Variants in CACNA1A observed in about 807,000 individuals in gnomAD.
CACNA1A encodes calcium voltage-gated channel subunit alpha1 A, also known as voltage-dependent P/Q-type calcium channel subunit alpha-1A.
In CACNA1A, 57 loss-of-function variants were observed where a neutral mutation model predicts 262.4. That is an observed-to-expected ratio of 0.22 (90% confidence interval 0.18 to 0.27). The LOEUF (loss-of-function observed/expected upper bound fraction) is 0.27, where lower values mean the gene tolerates loss of function less well. CACNA1A is among the 10% of genes least tolerant of loss of function. The pLI is 1.00. For missense variants in CACNA1A, 2,526 were observed against 3,562.8 expected, an observed-to-expected ratio of 0.71 and a Z score of 7.41; for synonymous variants, 1,431 against 1,419.3, an observed-to-expected ratio of 1.01 and a Z score of -0.18.
chr19:13,242,817 A>G (rs2056114848), intron 31 of CACNA1A, among the ~76,000 whole-genome samples: 1 of 152,148 alleles, frequency 6.6e-6, no homozygotes. Context: ...GTTGGTTGCA[A>G]TGGTTAGCCC....
chr19:13,411,435 A>AC (rs2060107275), intron 3 of CACNA1A, among the ~76,000 whole-genome samples: 1 of 152,040 alleles, frequency 6.6e-6, no homozygotes, highest in Admixed American at 6.6e-5. Context: ...GTCTCATGAG[A>AC]TCTGATGGTT....
intron 38 of CACNA1A, among the ~76,000 whole-genome samples, chr19:13,219,963 AAAAG>A (rs1288578398): frequency 6.8e-6 from 1 of 147,138 alleles, no homozygotes; most frequent in Non-Finnish European, 1.5e-5. Context: ...AAAAAAAAAA[AAAAG>A]AAAGAAAATG....
intron 3 of CACNA1A, among the ~76,000 whole-genome samples, chr19:13,432,270 C>A (rs1450577837): frequency 6.6e-6 from 1 of 151,376 alleles, no homozygotes; most frequent in Non-Finnish European, 1.5e-5. Flanking sequence ...CAAAAATTAG[C>A]CGGGCCTGGT....
intron 19 of CACNA1A, among the ~76,000 whole-genome samples, chr19:13,294,128 C>T (rs1274630574): frequency 2.1e-5 from 3 of 145,048 alleles, no homozygotes; most frequent in East Asian, 4.0e-4. Flanking sequence ...TTTTTTTAGA[C>T]ATGAGGTCTT....
chr19:13,227,928 T>TA (rs1324182413), intron 36 of CACNA1A, among the ~76,000 whole-genome samples: 1 of 117,072 alleles, frequency 8.5e-6, no homozygotes, highest in Non-Finnish European at 1.8e-5. Context: ...TTTTTTTTTT[T>TA]AAAGAGACAG....
intron 12 of CACNA1A, among the ~76,000 whole-genome samples, chr19:13,311,450 G>A (rs1289510079): frequency 6.6e-6 from 1 of 152,202 alleles, no homozygotes; most frequent in Non-Finnish European, 1.5e-5. Context: ...GGTCATTTAT[G>A]TAGGGAAGGT....
In CACNA1A at chr19:13,403,397, C is replaced by G. The variant is rs140791525; in HGVS notation, c.540-31618G>C. Among the ~76,000 whole-genome samples, 31 of 152,184 alleles carry G rather than the reference C, an allele frequency of 2.0e-4. No individual in the cohort carries two copies. In the East Asian group the frequency reaches 5.4e-3, roughly 27 times the overall value. On this transcript the variant is annotated intron_variant, in intron 3 of 46. Transcript: ENST00000360228. ...TTTTATAGATAAAGAAAGACAGGTT[C>G]AGAGAGAGCACTCAGGCAGAAGTGG... is the stretch of plus-strand genomic sequence containing the variant.
At chr19:13,444,395 G>T (rs1363346) in intron 3 of CACNA1A, among the ~76,000 whole-genome samples, 57,440 of 151,978 alleles carry the variant, frequency 0.38, 14,734 homozygotes, top group African/African-American at 0.71. Flanking sequence ...CTAAGAGCAG[G>T]TGCATGGGGC....
At chr19:13,218,251 T>A (rs1286307096) in intron 38 of CACNA1A, among the ~76,000 whole-genome samples, 5 of 152,112 alleles carry the variant, frequency 3.3e-5, no homozygotes, top group Non-Finnish European at 5.9e-5. Context: ...CCGCCACGCC[T>A]GGATAATTTT....
chr19:13,237,918 A>C (rs2055932816), intron 31 of CACNA1A, among the ~76,000 whole-genome samples: 2 of 152,206 alleles, frequency 1.3e-5, no homozygotes, highest in Admixed American at 1.3e-4. Flanking sequence ...AGGCATGCGA[A>C]GGCAGGCGGA....
At chr19:13,309,199 G>A (rs537076511) in intron 12 of CACNA1A, among the ~76,000 whole-genome samples, 141 of 151,864 alleles carry the variant, frequency 9.3e-4, no homozygotes, top group African/African-American at 2.8e-3. Context: ...TAGTAGAGAC[G>A]GGGTTTCACT....
chr19:13,341,865 TC>T (rs1386510511), intron 6 of CACNA1A, among the ~76,000 whole-genome samples: 1 of 152,208 alleles, frequency 6.6e-6, no homozygotes, highest in African/African-American at 2.4e-5. Context: ...AGGGGCTTTG[TC>T]CTTTTTGTTC....
At chr19:13,291,111 C>T (rs979181640) in intron 19 of CACNA1A, among the ~76,000 whole-genome samples, 24 of 152,116 alleles carry the variant, frequency 1.6e-4, no homozygotes, top group African/African-American at 4.3e-4. Flanking sequence ...CACCCCTACC[C>T]CCTTCTCCCT....
chr19:13,462,822 C>G (rs7251376), intron 1 of CACNA1A, among the ~76,000 whole-genome samples: 2,609 of 152,210 alleles, frequency 0.017, 68 homozygotes, highest in African/African-American at 0.059. Context: ...TACAGTGGCA[C>G]GATCACAGCT....
At chr19:13,467,178 T>C (rs1310997866) in intron 1 of CACNA1A, among the ~76,000 whole-genome samples, 1 of 151,974 alleles carries the variant, frequency 6.6e-6, no homozygotes, top group Non-Finnish European at 1.5e-5. Flanking sequence ...AAACACGAAA[T>C]TGCTAGCAGA....
rs192149372 is a variant in CACNA1A at position 13,268,831 on chromosome 19, T to C, written c.3990-5998A>G. ...TCATCTCCTTTTCCTGTAGTCTGAC[T>C]TGGGGTTCTCAAATTCAGTGTATCT... On this transcript the variant is annotated intron_variant, in intron 24 of 46. Transcript: ENST00000360228. Among the ~76,000 whole-genome samples the C allele has an allele frequency of 2.1e-3, 319 of 151,970 alleles. 2 individuals carry two copies. Among genetic ancestry groups the C allele is most frequent in the African/African-American group, 7.4e-3 (307 of 41,418 alleles).
intron 27 of CACNA1A, chr19:13,258,911 T>C (rs2056644700): frequency 6.6e-6 from 1 of 152,078 alleles, no homozygotes; most frequent in Non-Finnish European, 1.5e-5. Context: ...AAAAAGTCCA[T>C]GATGAACAAA....
chr19:13,391,789 C>A (rs1179516242), intron 3 of CACNA1A, among the ~76,000 whole-genome samples: 3 of 152,076 alleles, frequency 2.0e-5, no homozygotes, highest in Non-Finnish European at 4.4e-5. Context: ...GTAATCCCAG[C>A]ATTTTGGGAG....
chr19:13,321,737 G>T (rs1427488732), intron 10 of CACNA1A, among the ~76,000 whole-genome samples: 3 of 152,118 alleles, frequency 2.0e-5, no homozygotes, highest in African/African-American at 7.2e-5. Context: ...CAGCTGCATA[G>T]GGTACTTGGC....
Sources: allele counts gnomAD v4.1 joint callset (sites outside exome capture counted in the v4.1 genomes callset), GRCh38; gene constraint gnomAD v4.1.1; transcripts MANE v1.5; gene names NCBI Gene and HGNC (gene_info 2026-07-23, HGNC 2026-07-21).